Variants in FBRSL1 observed in about 807,000 individuals in gnomAD.
FBRSL1 encodes fibrosin-1-like protein.
A neutral mutation model predicts 89.6 loss-of-function variants in FBRSL1; 51 were observed. The observed-to-expected ratio is 0.57, with a 90% CI of 0.45 to 0.72. The LOEUF (loss-of-function observed/expected upper bound fraction) is 0.72. Ranked by LOEUF, FBRSL1 falls within the 30% of genes least tolerant of loss-of-function variation. The pLI is 0.00. For synonymous variants in FBRSL1, 779 were observed against 681.1 expected, an observed-to-expected ratio of 1.14 and a Z score of -2.24; for missense variants, 1,618 against 1,451.8, an observed-to-expected ratio of 1.11 and a Z score of -1.86.
At chr12:132,524,766 G>A (rs1043864745) in intron 2 of FBRSL1, among the ~76,000 whole-genome samples, 13 of 152,314 alleles carry the variant, frequency 8.5e-5, no homozygotes, top group South Asian at 2.1e-4. Context: ...GTGCAGGGGC[G>A]TCCCTGCTGG....
rs1165815643 is a variant in FBRSL1, at chr12:132,582,327, C to T, written c.2201+61C>T. 28 of 1,406,132 alleles carry T rather than the reference C, an allele frequency of 2.0e-5. No homozygotes were observed. The East Asian group carries it at 4.8e-4, about 24-fold the overall frequency. 87.1% of individuals were successfully genotyped at this position (1,406,132 alleles called of 1,614,324 possible). On this transcript the variant is annotated intron_variant, in intron 18 of 18. Coordinates refer to ENST00000680143, the MANE Select transcript of FBRSL1 (RefSeq NM_001367871.1). ...ACCCCTACCCCGTTCTTTCCCCCCT[C>T]CCGTCATCCCCGGTTCCCCCTCCCC... is the stretch of plus-strand genomic sequence containing the variant.
intron 4 of FBRSL1, among the ~76,000 whole-genome samples, chr12:132,547,611 C>T (rs2037810208): frequency 6.6e-6 from 1 of 152,208 alleles, no homozygotes; most frequent in East Asian, 1.9e-4. Flanking sequence ...CTGTCCTGGG[C>T]CGGAGGCTGC....
At chr12:132,572,074 A>AC (rs146961200) in intron 9 of FBRSL1, 160,987 of 572,546 alleles carry the variant, frequency 0.28, 23,926 homozygotes, top group South Asian at 0.31. Context: ...ATGCAAGGGG[A>AC]CCCTTAGAAT....
rs75550494 is a variant in FBRSL1, at chr12:132,583,812, G to A, written c.*34G>A. On this transcript the variant is annotated 3_prime_UTR_variant, in exon 19 of 19. Coordinates refer to ENST00000680143, the MANE Select transcript of FBRSL1 (RefSeq NM_001367871.1). Reference sequence around the variant, plus strand: ...CCGCAGACGCCTCTCCGAGCGGAGCGCACCGCTGTCCGTCTCTCCATCAGT... The same window carrying A: ...CCGCAGACGCCTCTCCGAGCGGAGCACACCGCTGTCCGTCTCTCCATCAGT... The A allele has an allele frequency of 0.055, 63,628 of 1,147,380 alleles. 1,943 individuals are homozygous for A. The highest frequency in any genetic ancestry group is 0.062 in the Non-Finnish European group (57,341 of 920,560). 71.1% of individuals were successfully genotyped at this position (1,147,380 alleles called of 1,614,324 possible).
At chr12:132,573,864 G>A (rs537202441) in intron 11 of FBRSL1, among the ~76,000 whole-genome samples, 1 of 152,236 alleles carries the variant, frequency 6.6e-6, no homozygotes, top group Non-Finnish European at 1.5e-5. Context: ...GGGGAGGGTC[G>A]CCCACCTTCC....
In FBRSL1 at chr12:132,513,798, G is replaced by A. The variant is rs532412670; in HGVS notation, c.489+5448G>A. On this transcript the variant is annotated intron_variant, in intron 2 of 18. Coordinates refer to ENST00000680143, the MANE Select transcript of FBRSL1 (RefSeq NM_001367871.1). ...GTGGCGGTGGGGCCAACCCCACGAG[G>A]GGCCTGGAGCTCTAAGGCCCTTGGG... Among the ~76,000 whole-genome samples, 4 of 152,302 alleles carry A rather than the reference G, an allele frequency of 2.6e-5. No homozygotes were observed. The East Asian group carries it at 7.7e-4, about 29-fold the overall frequency.
intron 5 of FBRSL1, chr12:132,552,983 C>T (rs930677731): frequency 2.0e-5 from 3 of 153,028 alleles, no homozygotes; most frequent in Non-Finnish European, 4.4e-5. Flanking sequence ...GCCCAGGCTG[C>T]GCCTTTGTTG....
intron 2 of FBRSL1, among the ~76,000 whole-genome samples, chr12:132,522,543 A>G (rs887055077): frequency 5.9e-5 from 9 of 152,194 alleles, no homozygotes; most frequent in Non-Finnish European, 2.9e-5. Context: ...GGTTCAGGAA[A>G]TTTGAAGCCG....
intron 2 of FBRSL1, among the ~76,000 whole-genome samples, chr12:132,513,922 T>A (rs2034596160): frequency 6.6e-6 from 1 of 151,992 alleles, no homozygotes; most frequent in Non-Finnish European, 1.5e-5. Context: ...TGGCCCAGCA[T>A]CCACGCCTGG....
Position 132,570,390 on chromosome 12 carries a change from G to T in FBRSL1, c.1063G>T (p.Gly355Trp). The change falls in exon 8 of 19, where the codon GGG becomes TGG. Residue 355 changes from glycine (G) to tryptophan (W), a missense_variant. Gly to Trp is a radical substitution (Grantham distance 184). Transcript: ENST00000680143. ...LGKHVSLSPH[G>W]PGPHLSTSHL... ...GAAGCACGTGTCGCTGTCGCCACAC[G>T]GGCCGGGCCCCCACCTGTCTACCTC... 6.5e-7 allele frequency: 1 copy of T among 1,534,106 alleles called. No individual in the cohort carries two copies. Among genetic ancestry groups the T allele is most frequent in the Non-Finnish European group, 8.7e-7 (1 of 1,145,462 alleles).
At chr12:132,509,253 C>G (rs946894940) in intron 2 of FBRSL1, 18 of 1,254,148 alleles carry the variant, frequency 1.4e-5, no homozygotes, top group Non-Finnish European at 1.8e-5. Flanking sequence ...CCAGCCCAGC[C>G]AGTCCAGCCA....
intron 4 of FBRSL1, among the ~76,000 whole-genome samples, chr12:132,537,190 G>A (rs1408002965): frequency 6.6e-6 from 1 of 152,218 alleles, no homozygotes; most frequent in Non-Finnish European, 1.5e-5. Context: ...GCCCTCTGCT[G>A]TGGGTGTGAA....
At chr12:132,535,736 G>A (rs182899422) in intron 4 of FBRSL1, among the ~76,000 whole-genome samples, 1 of 152,396 alleles carries the variant, frequency 6.6e-6, no homozygotes, top group Non-Finnish European at 1.5e-5. Flanking sequence ...CAGCGGTTAG[G>A]AGTCCTGCAT....
At chr12:132,519,564 G>A (rs2136810300) in intron 2 of FBRSL1, among the ~76,000 whole-genome samples, 1 of 152,340 alleles carries the variant, frequency 6.6e-6, no homozygotes, top group East Asian at 1.9e-4. Flanking sequence ...AGTAGGTGCT[G>A]CCTTCAGCTC....
chr12:132,570,825 C>T lies in FBRSL1; in HGVS notation c.1214-243C>T, dbSNP rs571942105. 1.2e-4 allele frequency among the ~76,000 whole-genome samples: 19 copies of T among 152,334 alleles called. No homozygotes were observed. In the East Asian group the frequency reaches 1.7e-3, roughly 14 times the overall value. On this transcript the variant is annotated intron_variant, in intron 8 of 18. Transcript: ENST00000680143. ...TCCCCTCCTGGGGCCAGGCCTCCCC[C>T]GCAGCCTGCTGGGTCCTGAGCCCTG... is the stretch of plus-strand genomic sequence containing the variant.
intron 5 of FBRSL1, among the ~76,000 whole-genome samples, chr12:132,564,571 C>T (rs1166372108): frequency 2.5e-5 from 3 of 118,648 alleles, no homozygotes; most frequent in East Asian, 6.0e-4. Flanking sequence ...TCTCAGCTCA[C>T]TGCAAGCTCC....
At chr12:132,572,813 G>A (rs1334504530) in intron 11 of FBRSL1, among the ~76,000 whole-genome samples, 191 bp downstream of exon 11, 2 of 152,238 alleles carry the variant, frequency 1.3e-5, no homozygotes, top group South Asian at 2.1e-4. Context: ...TGTGGCCACC[G>A]TGGGAGGGAC....
chr12:132,535,996 C>T (rs1391881408), intron 4 of FBRSL1, among the ~76,000 whole-genome samples: 2 of 150,980 alleles, frequency 1.3e-5, no homozygotes, highest in East Asian at 3.9e-4. Context: ...TGCACGTGTA[C>T]ATGATGCGTG....
chr12:132,522,408 C>A (rs1380322559), intron 2 of FBRSL1, among the ~76,000 whole-genome samples: 1 of 152,122 alleles, frequency 6.6e-6, no homozygotes, highest in Non-Finnish European at 1.5e-5. Flanking sequence ...GGGCTCTGTG[C>A]GCCTGGAGCC....
Sources: allele counts gnomAD v4.1 joint callset (sites outside exome capture counted in the v4.1 genomes callset), GRCh38; gene constraint gnomAD v4.1.1; transcripts MANE v1.5; gene names NCBI Gene and HGNC (gene_info 2026-07-23, HGNC 2026-07-21).